STK32B: variants seen among roughly 807,000 people sequenced by gnomAD.
The protein encoded by STK32B is serine/threonine-protein kinase 32B.
A neutral mutation model predicts 52.6 loss-of-function variants in STK32B; 43 were observed. That is an observed-to-expected ratio of 0.82 (90% CI 0.64 to 1.05). The LOEUF (loss-of-function observed/expected upper bound fraction) is 1.05. Ranked by LOEUF, STK32B falls within the 50% of genes least tolerant of loss-of-function variation. STK32B has a pLI of 0.00. For missense variants in STK32B, 621 were observed against 534.6 expected (o/e 1.16, Z -1.59); for synonymous variants, 238 against 204.3 (o/e 1.17, Z -1.41).
At chr4:5,077,070 A>C (rs1238214382) in intron 1 of STK32B, among the ~76,000 whole-genome samples, 1 of 152,138 alleles carries the variant, frequency 6.6e-6, no homozygotes, top group East Asian at 1.9e-4. Context: ...TCCGAGATAC[A>C]TCCCTGAACT....
rs1440592704 is a variant in STK32B, at chr4:5,315,943, G to A, written c.261-15277G>A. ...TGATCTCGAACTCCTGACCTCAGGT[G>A]ATCTGCCTGCCTCGGCCTCCCAAAT... On this transcript the variant is annotated intron_variant, in intron 3 of 11. Transcript: ENST00000282908. Among the ~76,000 whole-genome samples, 8 of 150,804 alleles carry A rather than the reference G, an allele frequency of 5.3e-5. No individual in the cohort carries two copies. In the East Asian group the frequency reaches 1.6e-3, roughly 29 times the overall value.
At chr4:5,328,057 C>A (rs1010120332) in intron 3 of STK32B, among the ~76,000 whole-genome samples, 2 of 152,152 alleles carry the variant, frequency 1.3e-5, no homozygotes, top group Non-Finnish European at 2.9e-5. Flanking sequence ...CCTTTGCTAG[C>A]TTCCAGCTCT....
intron 3 of STK32B, among the ~76,000 whole-genome samples, chr4:5,180,109 G>C (rs755180660): frequency 6.6e-6 from 1 of 152,214 alleles, no homozygotes; most frequent in African/African-American, 2.4e-5. Context: ...TGTGGCCCCA[G>C]GACTGGTGCC....
Position 5,064,753 on chromosome 4 carries a change from T to C in STK32B, c.52+12838T>C, listed in dbSNP as rs1447080753. On this transcript the variant is annotated intron_variant, in intron 1 of 11. Coordinates refer to ENST00000282908, the MANE Select transcript of STK32B (RefSeq NM_018401.3). ...AATATATACTTATATACATATATAA[T>C]ATATAAATATATACTTATATACATA... Among the ~76,000 whole-genome samples, 4 of 108,958 alleles carry C rather than the reference T, an allele frequency of 3.7e-5. No individual in the cohort carries two copies. The Admixed American group carries it at 5.5e-4, about 15-fold the overall frequency. The allele number at this position is 108,958 out of a possible 152,430, so 71.5% of individuals were successfully genotyped here.
At chr4:5,466,954 T>C in intron 10 of STK32B, 120 bp downstream of exon 10, 1 of 1,331,918 alleles carries the variant, frequency 7.5e-7, no homozygotes, top group Non-Finnish European at 1.0e-6. Context: ...ATTTCCTTAT[T>C]TTGCAGTAAA....
At chr4:5,333,837 C>G (rs1351989329) in intron 4 of STK32B, among the ~76,000 whole-genome samples, 11 of 152,130 alleles carry the variant, frequency 7.2e-5, no homozygotes, top group Admixed American at 6.5e-5. Flanking sequence ...TGATGTATAT[C>G]TCTCTTTTGG....
chr4:5,038,372 C>T, the STK32B span, among the ~76,000 whole-genome samples: 1 of 152,200 alleles, frequency 6.6e-6, no homozygotes, highest in African/African-American at 2.4e-5. Context: ...TCATGCATTG[C>T]TTAATGACGG....
intron 3 of STK32B, among the ~76,000 whole-genome samples, chr4:5,189,862 G>A (rs896584109): frequency 4.6e-5 from 7 of 152,144 alleles, no homozygotes; most frequent in African/African-American, 9.7e-5. Flanking sequence ...TCCAGTAGGC[G>A]TGTAGTGGTA....
At chr4:5,036,464 A>G in the STK32B span, among the ~76,000 whole-genome samples, 1 of 152,112 alleles carries the variant, frequency 6.6e-6, no homozygotes, top group Non-Finnish European at 1.5e-5. Flanking sequence ...TGCAGGCCAG[A>G]GTAGAAAATG....
At chr4:5,221,063 CCTCT>C (rs1166410348) in intron 3 of STK32B, among the ~76,000 whole-genome samples, 1 of 152,074 alleles carries the variant, frequency 6.6e-6, no homozygotes, top group Non-Finnish European at 1.5e-5. Context: ...GTTGAGTGTT[CCTCT>C]GAGGGTGCCT....
intron 3 of STK32B, among the ~76,000 whole-genome samples, chr4:5,315,256 A>T (rs540135652): frequency 1.7e-5 from 2 of 120,768 alleles, no homozygotes; most frequent in East Asian, 4.3e-4. Context: ...CAAATTAGCC[A>T]TTAGGGAAAT....
At chr4:5,057,912 A>G (rs1446534270) in intron 1 of STK32B, among the ~76,000 whole-genome samples, 1 of 152,214 alleles carries the variant, frequency 6.6e-6, no homozygotes, top group Non-Finnish European at 1.5e-5. Flanking sequence ...CACATAGTTT[A>G]GGATACCAGA....
In STK32B at chr4:5,417,950, A is replaced by C. The variant is rs59032044; in HGVS notation, c.562+1016A>C. On this transcript the variant is annotated intron_variant, in intron 6 of 11. Coordinates refer to ENST00000282908, the MANE Select transcript of STK32B (RefSeq NM_018401.3). ...TTCTCTATGTGGTCTTTCATCATCA[A>C]AGTGGCTAGAGTGAGCTTCCTCACA... 3.3e-3 allele frequency among the ~76,000 whole-genome samples: 505 copies of C among 152,302 alleles called. 3 individuals carry two copies. Among genetic ancestry groups the C allele is most frequent in the African/African-American group, 0.011 (470 of 41,562 alleles).
At chr4:5,046,429 G>T in the STK32B span, among the ~76,000 whole-genome samples, 1 of 152,154 alleles carries the variant, frequency 6.6e-6, no homozygotes, top group East Asian at 1.9e-4. Flanking sequence ...GAAAACATAG[G>T]CTATACCATT....
At chr4:5,116,184 GCA>G (rs146380270) in intron 1 of STK32B, among the ~76,000 whole-genome samples, 371 of 148,692 alleles carry the variant, frequency 2.5e-3, no homozygotes, top group African/African-American at 8.2e-3. Context: ...GTGCATGCAC[GCA>G]CACACACACA....
intron 6 of STK32B, among the ~76,000 whole-genome samples, chr4:5,420,758 G>A (rs1431090215): frequency 6.6e-6 from 1 of 152,188 alleles, no homozygotes; most frequent in Non-Finnish European, 1.5e-5. Flanking sequence ...CCAGGTAAGG[G>A]CAGCAGCTCC....
At chr4:5,270,687 G>C (rs1727367215) in intron 3 of STK32B, among the ~76,000 whole-genome samples, 1 of 152,144 alleles carries the variant, frequency 6.6e-6, no homozygotes, top group African/African-American at 2.4e-5. Context: ...ACATTGTACT[G>C]AAGGGCATAG....
At chr4:5,312,884 T>G (rs1730400890) in intron 3 of STK32B, among the ~76,000 whole-genome samples, 1 of 152,086 alleles carries the variant, frequency 6.6e-6, no homozygotes, top group Non-Finnish European at 1.5e-5. Context: ...AATGGATGGT[T>G]GAACTAGTTT....
intron 3 of STK32B, among the ~76,000 whole-genome samples, chr4:5,185,482 AC>A (rs779495317): frequency 3.2e-4 from 49 of 152,226 alleles, no homozygotes; most frequent in Non-Finnish European, 1.5e-4. Context: ...TTAAAATAAA[AC>A]TATATTAAGT....
Sources: gnomAD v4.1 joint callset for allele counts (sites outside exome capture counted in the v4.1 genomes callset) on GRCh38, gnomAD v4.1.1 for gene constraint, MANE v1.5 for transcripts, NCBI Gene and HGNC (gene_info 2026-07-23, HGNC 2026-07-21) for gene names.